Variants in OTOGL observed in about 807,000 individuals in gnomAD.
OTOGL encodes the protein otogelin-like protein.
Under a neutral mutation model 318.5 loss-of-function variants are expected in OTOGL, and 285 were observed. That is an observed-to-expected ratio of 0.89 (90% CI 0.81 to 0.99). OTOGL has a LOEUF of 0.99. Among genes scored for constraint, OTOGL ranks in the 50% least tolerant of loss-of-function variants. The probability of loss-of-function intolerance (pLI) is 0.00; values close to 1 mark genes in which losing one functional copy is unlikely to be tolerated. For synonymous variants in OTOGL, 987 were observed against 936.5 expected (o/e 1.05, Z -0.99); for missense variants, 2,899 against 2,845.6 (o/e 1.02, Z -0.43).
Position 80,265,172 on chromosome 12 carries a change from G to T in OTOGL, c.2186G>T (p.Gly729Val). The T allele has an allele frequency of 6.2e-7, 1 of 1,613,782 alleles. No homozygotes were observed. Among genetic ancestry groups the T allele is most frequent in the Non-Finnish European group, 8.5e-7 (1 of 1,179,838 alleles). The change falls in exon 20 of 59, where the codon GGT (glycine) becomes GTT (valine). Residue 729 changes from glycine (G) to valine (V), a missense_variant. By Grantham distance (109) the Gly-to-Val change is moderately radical. Around this residue, in one of 3 missense-constraint regions of OTOGL, gnomAD observed 2,607 missense variants for 2,524.9 expected, o/e 1.03. Transcript: ENST00000547103. ...AHYAYLCGQHGVPIDFRTQIS... is the reference protein window; with the variant it reads ...AHYAYLCGQHVVPIDFRTQIS... ...TATGCCTACCTCTGCGGCCAGCACG[G>T]TGTTCCCATTGATTTCAGAACTCAG...
intron 19 of OTOGL, among the ~76,000 whole-genome samples, chr12:80,263,641 AC>A (rs1319144313): frequency 6.6e-6 from 1 of 152,124 alleles, no homozygotes; most frequent in East Asian, 1.9e-4. Context: ...GTACATGCAT[AC>A]ATATATTTGA....
intron 1 of OTOGL, among the ~76,000 whole-genome samples, chr12:80,170,106 C>T (rs1188365215): frequency 2.6e-5 from 4 of 151,776 alleles, no homozygotes; most frequent in East Asian, 1.9e-4. Flanking sequence ...GTGGTTATAC[C>T]ATTACATTTC....
Position 80,252,861 on chromosome 12 carries a change from G to A in OTOGL, c.1286-605G>A, listed in dbSNP as rs140743577. Among the ~76,000 whole-genome samples the A allele has an allele frequency of 7.1e-4, 108 of 152,260 alleles. 1 individual carries two copies. Among genetic ancestry groups the A allele is most frequent in the Admixed American group, 1.2e-3 (18 of 15,290 alleles). On this transcript the variant is annotated intron_variant, in intron 13 of 58. Coordinates refer to ENST00000547103, the MANE Select transcript of OTOGL (RefSeq NM_001378609.3). Reference sequence around the variant, plus strand: ...TGCTAGTCTGAGCTGTTTGTGACCTGTCAATGACAAGATAAGGCATTTGCA... The same window carrying A: ...TGCTAGTCTGAGCTGTTTGTGACCTATCAATGACAAGATAAGGCATTTGCA...
At chr12:80,357,433 T>C (rs7485788) in intron 49 of OTOGL, among the ~76,000 whole-genome samples, 143,104 of 152,226 alleles carry the variant, frequency 0.94, 67,342 homozygotes, top group East Asian at 1. Flanking sequence ...TGAATCATTA[T>C]ATCCAAGATT....
intron 1 of OTOGL, among the ~76,000 whole-genome samples, chr12:80,126,251 G>A (rs1392910124): frequency 5.3e-5 from 8 of 152,016 alleles, no homozygotes; most frequent in South Asian, 4.2e-4. Flanking sequence ...CTTTGTTCTC[G>A]TTGGTTTCAA....
At chr12:80,375,104 G>A (rs541695032) in intron 57 of OTOGL, among the ~76,000 whole-genome samples, 24 of 152,150 alleles carry the variant, frequency 1.6e-4, no homozygotes, top group Non-Finnish European at 2.8e-4. Context: ...GACTCGTAAT[G>A]TAGTTTCTGC....
intron 1 of OTOGL, among the ~76,000 whole-genome samples, chr12:80,170,009 T>G (rs967466630): frequency 1.3e-5 from 2 of 152,206 alleles, no homozygotes; most frequent in Non-Finnish European, 1.5e-5. Context: ...TTTCATTTCT[T>G]TTGAGTAAAT....
chr12:80,329,802 A>C (rs116205895), intron 37 of OTOGL, among the ~76,000 whole-genome samples: 3,808 of 152,186 alleles, frequency 0.025, 120 homozygotes, highest in African/African-American at 0.083. Flanking sequence ...TTGAGCACCA[A>C]CTCTACCTGG....
intron 24 of OTOGL, among the ~76,000 whole-genome samples, chr12:80,276,583 T>G (rs1883825824): frequency 6.6e-6 from 1 of 151,656 alleles, no homozygotes; most frequent in Non-Finnish European, 1.5e-5. Context: ...AATTGAGTTG[T>G]AAGTGATAAG....
intron 29 of OTOGL, among the ~76,000 whole-genome samples, chr12:80,305,906 A>G (rs1441838892): frequency 2.6e-5 from 4 of 152,284 alleles, no homozygotes; most frequent in African/African-American, 9.6e-5. Context: ...AGATGAAGAA[A>G]TTGAGGCTCA....
chr12:80,133,786 C>A (rs1871380593), intron 1 of OTOGL, among the ~76,000 whole-genome samples: 3 of 151,980 alleles, frequency 2.0e-5, no homozygotes, highest in South Asian at 4.2e-4. Flanking sequence ...AACACCCTAT[C>A]TCTACAAAAA....
intron 1 of OTOGL, among the ~76,000 whole-genome samples, chr12:80,157,785 G>A (rs1873224999): frequency 2.0e-5 from 3 of 152,094 alleles, no homozygotes; most frequent in Non-Finnish European, 2.9e-5. Flanking sequence ...ATTGGTCTGT[G>A]TGTCTGTGTA....
chr12:80,127,654 C>A (rs958652720), intron 1 of OTOGL, among the ~76,000 whole-genome samples: 4 of 152,208 alleles, frequency 2.6e-5, no homozygotes, highest in Non-Finnish European at 4.4e-5. Context: ...TGGTTCCATT[C>A]TCTCCGTCAT....
Position 80,306,515 on chromosome 12 carries a change from A to G in OTOGL, c.3333+820A>G, listed in dbSNP as rs187130833. On this transcript the variant is annotated intron_variant, in intron 29 of 58. Coordinates refer to ENST00000547103, the MANE Select transcript of OTOGL (RefSeq NM_001378609.3). ...GGTTAGTTACTTCTCTACTTTGCCTAGTTTACTAATATGTCTAAATCTCTT... is the reference window on the plus strand; with the variant it reads ...GGTTAGTTACTTCTCTACTTTGCCTGGTTTACTAATATGTCTAAATCTCTT... Among the ~76,000 whole-genome samples, 312 of 152,276 alleles carry G rather than the reference A, an allele frequency of 2.0e-3. 1 individual carries two copies. The highest frequency in any genetic ancestry group is 3.0e-3 in the Non-Finnish European group (206 of 68,014).
chr12:80,208,931 T>A (rs1877023757), intron 1 of OTOGL, among the ~76,000 whole-genome samples: 2 of 152,164 alleles, frequency 1.3e-5, no homozygotes, highest in South Asian at 4.1e-4. Context: ...AACTTTTAAT[T>A]ATTCAAGAAC....
At chr12:80,241,801 C>T (rs1014523601) in intron 11 of OTOGL, among the ~76,000 whole-genome samples, 6 of 152,262 alleles carry the variant, frequency 3.9e-5, no homozygotes, top group Admixed American at 6.6e-5. Flanking sequence ...CTTGGATTGG[C>T]ATCGTGGCTC....
At chr12:80,150,584 C>G (rs925718504) in intron 1 of OTOGL, among the ~76,000 whole-genome samples, 67 of 149,718 alleles carry the variant, frequency 4.5e-4, no homozygotes, top group African/African-American at 1.6e-3. Context: ...AGACCTGCAG[C>G]CTTGTTAGTG....
intron 1 of OTOGL, among the ~76,000 whole-genome samples, chr12:80,173,031 T>C (rs1206169051): frequency 1.3e-5 from 2 of 152,182 alleles, no homozygotes; most frequent in South Asian, 2.1e-4. Flanking sequence ...CAAACCACCA[T>C]GGCACATGTT....
intron 5 of OTOGL, among the ~76,000 whole-genome samples, chr12:80,219,459 C>T (rs933006276): frequency 3.6e-4 from 55 of 152,270 alleles, no homozygotes; most frequent in African/African-American, 1.3e-3. Flanking sequence ...GTGCAGCCAG[C>T]GCCAAACTCT....
Sources: gnomAD v4.1 joint callset for allele counts (sites outside exome capture counted in the v4.1 genomes callset) on GRCh38, gnomAD v4.1.1 for gene constraint, gnomAD v4.1.1 regional missense constraint, MANE v1.5 for transcripts, NCBI Gene and HGNC (gene_info 2026-07-23, HGNC 2026-07-21) for gene names.